Variants in CACNA1A observed in about 807,000 individuals in gnomAD.
CACNA1A encodes the protein voltage-dependent P/Q-type calcium channel subunit alpha-1A.
Under a neutral mutation model 262.4 loss-of-function variants are expected in CACNA1A, and 57 were observed. The ratio of observed to expected loss-of-function variants is 0.22; its 90% CI spans 0.18 to 0.27. CACNA1A has a LOEUF of 0.27. Ranked by LOEUF, CACNA1A falls within the 10% of genes least tolerant of loss-of-function variation. The pLI, the probability that CACNA1A is intolerant of heterozygous loss-of-function variation, is 1.00. For synonymous variants in CACNA1A, 1,431 were observed against 1,419.3 expected (o/e 1.01, Z -0.18); for missense variants, 2,526 against 3,562.8 (o/e 0.71, Z 7.41).
At chr19:13,216,684 TATCTATCTATCTATC>T (rs1439373578) in intron 38 of CACNA1A, among the ~76,000 whole-genome samples, 4 of 30,370 alleles carry the variant, frequency 1.3e-4, no homozygotes, top group African/African-American at 4.5e-4. Flanking sequence ...TCTATCTATC[TATCTATCTATCTATC>T]ATCTATCTAT....
chr19:13,264,727 C>T (rs1332186008), intron 24 of CACNA1A, among the ~76,000 whole-genome samples: 2 of 152,232 alleles, frequency 1.3e-5, no homozygotes, highest in Non-Finnish European at 2.9e-5. Context: ...GACAGCATTT[C>T]CTGACTGCCT....
intron 10 of CACNA1A, among the ~76,000 whole-genome samples, chr19:13,321,646 A>T (rs1273923887): frequency 6.9e-6 from 1 of 145,058 alleles, no homozygotes; most frequent in Non-Finnish European, 1.5e-5. Context: ...CAACTGTAAC[A>T]TCATAGTATT....
chr19:13,356,829 A>G (rs2059014240), intron 6 of CACNA1A, among the ~76,000 whole-genome samples: 1 of 152,160 alleles, frequency 6.6e-6, no homozygotes, highest in African/African-American at 2.4e-5. Context: ...AAAATTCCCC[A>G]GTGAGTTTTG....
intron 3 of CACNA1A, among the ~76,000 whole-genome samples, chr19:13,375,741 T>C (rs1223792959): frequency 2.0e-5 from 3 of 152,040 alleles, no homozygotes; most frequent in Admixed American, 6.6e-5. Context: ...TGAGCGGTGA[T>C]TGCACCACTG....
chr19:13,258,197 C>G (rs753663801), intron 27 of CACNA1A: 1 of 152,208 alleles, frequency 6.6e-6, no homozygotes. Flanking sequence ...TTTAAAGGGA[C>G]GTGCTGAAGA....
At chr19:13,281,204 G>A in intron 22 of CACNA1A, among the ~76,000 whole-genome samples, 1 of 151,340 alleles carries the variant, frequency 6.6e-6, no homozygotes, top group East Asian at 2.0e-4. Flanking sequence ...ACATAGCGAG[G>A]CCCGTTTCTA....
At chr19:13,503,406 T>C (rs1374899440) in intron 1 of CACNA1A, among the ~76,000 whole-genome samples, 1 of 152,052 alleles carries the variant, frequency 6.6e-6, no homozygotes, top group African/African-American at 2.4e-5. Context: ...TGCCTGTACA[T>C]ATATTAGACT....
chr19:13,301,117 T>G (rs962739056), intron 17 of CACNA1A, among the ~76,000 whole-genome samples: 14 of 149,868 alleles, frequency 9.3e-5, no homozygotes, highest in Non-Finnish European at 1.5e-4. Context: ...CTGTATACAT[T>G]TAATTTTTTT....
chr19:13,325,196 CTT>C (rs201773357), intron 10 of CACNA1A, among the ~76,000 whole-genome samples: 18 of 127,954 alleles, frequency 1.4e-4, no homozygotes, highest in Non-Finnish European at 1.4e-4. Context: ...TCTTCTTCTT[CTT>C]TTTTTTTTTT....
At chr19:13,395,144 C>T (rs541278671) in intron 3 of CACNA1A, among the ~76,000 whole-genome samples, 62 of 150,778 alleles carry the variant, frequency 4.1e-4, no homozygotes, top group African/African-American at 8.0e-4. Flanking sequence ...CATGGTGGCG[C>T]GCACCTCTAG....
At chr19:13,441,882 G>T (rs1387809145) in intron 3 of CACNA1A, among the ~76,000 whole-genome samples, 1 of 152,018 alleles carries the variant, frequency 6.6e-6, no homozygotes, top group African/African-American at 2.4e-5. Context: ...GACCTCAGTC[G>T]GCCCCCAAAC....
chr19:13,273,979 C>T (rs2057086356), intron 24 of CACNA1A: 1 of 151,520 alleles, frequency 6.6e-6, no homozygotes, highest in Non-Finnish European at 1.5e-5. Flanking sequence ...GCCTCCTGGG[C>T]TCAAGCAATC....
chr19:13,304,648 G>T (rs963865002), intron 15 of CACNA1A, among the ~76,000 whole-genome samples: 3 of 90,072 alleles, frequency 3.3e-5, no homozygotes, highest in African/African-American at 8.9e-5. Context: ...TTTTTTTTGA[G>T]ATTTTTGTCT....
intron 19 of CACNA1A, among the ~76,000 whole-genome samples, chr19:13,289,075 T>C (rs1568498187): frequency 6.6e-6 from 1 of 151,760 alleles, no homozygotes; most frequent in Non-Finnish European, 1.5e-5. Context: ...TTCTCAGTTT[T>C]GTGAGTGGGT....
At chr19:13,437,095 A>G (rs992453025) in intron 3 of CACNA1A, among the ~76,000 whole-genome samples, 2 of 152,222 alleles carry the variant, frequency 1.3e-5, no homozygotes. Flanking sequence ...CAGCATGTGC[A>G]AAGTCCCTGG....
chr19:13,379,160 T>C (rs964285483), intron 3 of CACNA1A, among the ~76,000 whole-genome samples: 1 of 151,884 alleles, frequency 6.6e-6, no homozygotes, highest in African/African-American at 2.4e-5. Flanking sequence ...TTAAAAAGAA[T>C]TTTTTTGTAG....
At chr19:13,334,821 G>A (rs981691193) in intron 7 of CACNA1A, among the ~76,000 whole-genome samples, 1 of 152,004 alleles carries the variant, frequency 6.6e-6, no homozygotes, top group East Asian at 1.9e-4. Flanking sequence ...TATCATTTAA[G>A]GCCAGGAATT....
At chr19:13,247,563 G>A (rs2056273765) in intron 30 of CACNA1A, among the ~76,000 whole-genome samples, 1 of 152,032 alleles carries the variant, frequency 6.6e-6, no homozygotes, top group South Asian at 2.1e-4. Flanking sequence ...AGGCAGGCGT[G>A]GTGGTGCGCG....
intron 29 of CACNA1A, among the ~76,000 whole-genome samples, chr19:13,253,351 ATTTT>A (rs2056453447): frequency 7.5e-6 from 1 of 133,654 alleles, no homozygotes; most frequent in Admixed American, 7.7e-5. Context: ...GGGTCTTCCT[ATTTT>A]GCCCAGGCTG....
Sources: allele counts gnomAD v4.1 joint callset (sites outside exome capture counted in the v4.1 genomes callset), GRCh38; gene constraint gnomAD v4.1.1; transcripts MANE v1.5; gene names NCBI Gene and HGNC (gene_info 2026-07-23, HGNC 2026-07-21).